The following ADGRL3 variants were observed in gnomAD, a reference collection of about 807,000 sequenced individuals.
ADGRL3 encodes calcium-independent alpha-latrotoxin receptor 3.
A neutral mutation model predicts 153.5 loss-of-function variants in ADGRL3; 62 were observed. The ratio of observed to expected loss-of-function variants is 0.40; its 90% CI spans 0.33 to 0.50. The LOEUF (loss-of-function observed/expected upper bound fraction) is 0.50, where lower values mean the gene tolerates loss of function less well. Among genes scored for constraint, ADGRL3 ranks in the 20% least tolerant of loss-of-function variants. ADGRL3 has a pLI of 0.47. For synonymous variants in ADGRL3, 710 were observed against 672.5 expected (o/e 1.06, Z -0.86); for missense variants, 1,641 against 1,859.4 (o/e 0.88, Z 2.16).
At chr4:62,053,304 T>G (rs1055349381) in intron 25 of ADGRL3, among the ~76,000 whole-genome samples, 3 of 151,468 alleles carry the variant, frequency 2.0e-5, no homozygotes, top group African/African-American at 7.2e-5. Flanking sequence ...AATAATTGGG[T>G]AGTATTTGAT....
In ADGRL3 at chr4:61,840,224, C is replaced by T. The variant is rs551228147; in HGVS notation, c.1480+26335C>T. On this transcript the variant is annotated intron_variant, in intron 9 of 26. Transcript: ENST00000683033. ...CCTCCCATGTAGCTGGGATTACAGG[C>T]GCCTGCCACCATGTCCGGCTAATTT... 8.1e-4 allele frequency among the ~76,000 whole-genome samples: 123 copies of T among 152,196 alleles called. 1 individual carries two copies. Among genetic ancestry groups the T allele is most frequent in the Admixed American group, 1.1e-3 (17 of 15,280 alleles).
At chr4:61,391,780 A>G (rs1012396793) in intron 2 of ADGRL3, among the ~76,000 whole-genome samples, 5 of 151,752 alleles carry the variant, frequency 3.3e-5, no homozygotes, top group Middle Eastern at 3.4e-3. Context: ...TTTTAACACT[A>G]GGATGACTAT....
chr4:61,640,038 A>C (rs2093596270), intron 5 of ADGRL3, among the ~76,000 whole-genome samples: 1 of 152,048 alleles, frequency 6.6e-6, no homozygotes, highest in South Asian at 2.1e-4. Flanking sequence ...TTAAGAGTAT[A>C]ATATTCTTAC....
intron 4 of ADGRL3, 61 bp downstream of exon 4, chr4:61,517,579 C>A (rs1429733922): frequency 2.9e-6 from 2 of 690,390 alleles, no homozygotes; most frequent in Non-Finnish European, 5.3e-6. Flanking sequence ...CTGAGAGGCT[C>A]AGCCCCAGGA....
At chr4:61,861,981 A>G (rs1001559983) in intron 9 of ADGRL3, among the ~76,000 whole-genome samples, 2 of 152,188 alleles carry the variant, frequency 1.3e-5, no homozygotes, top group Admixed American at 1.3e-4. Context: ...CAAATGTTCC[A>G]AGAAATAGTA....
At chr4:61,770,592 A>G (rs759843230) in intron 8 of ADGRL3, among the ~76,000 whole-genome samples, 1 of 152,068 alleles carries the variant, frequency 6.6e-6, no homozygotes, top group Non-Finnish European at 1.5e-5. Context: ...TATGAACAGG[A>G]GAGATTTGGG....
intron 5 of ADGRL3, among the ~76,000 whole-genome samples, chr4:61,673,292 G>GT (rs1159569124): frequency 6.6e-6 from 1 of 151,776 alleles, no homozygotes; most frequent in African/African-American, 2.4e-5. Flanking sequence ...TAACAATACT[G>GT]TATTATATAC....
intron 2 of ADGRL3, among the ~76,000 whole-genome samples, chr4:61,475,188 T>A (rs944010277): frequency 6.6e-5 from 10 of 152,198 alleles, no homozygotes; most frequent in Non-Finnish European, 2.9e-5. Flanking sequence ...TAGTAGCCTT[T>A]ATTGCATATC....
chr4:61,299,024 T>A (rs1394798392), intron 1 of ADGRL3, among the ~76,000 whole-genome samples: 2 of 152,162 alleles, frequency 1.3e-5, no homozygotes, highest in African/African-American at 4.8e-5. Flanking sequence ...AATGAGATAA[T>A]AAGTACAGTA....
intron 1 of ADGRL3, among the ~76,000 whole-genome samples, chr4:61,257,857 G>GTGTGTC (rs2092133943): frequency 6.6e-6 from 1 of 152,016 alleles, no homozygotes; most frequent in Admixed American, 6.6e-5. Context: ...GTGTGTGTGT[G>GTGTGTC]TGTGTCTGTG....
intron 6 of ADGRL3, among the ~76,000 whole-genome samples, chr4:61,701,610 T>G (rs1288295477): frequency 6.6e-6 from 1 of 151,094 alleles, no homozygotes; most frequent in African/African-American, 2.4e-5. Flanking sequence ...TTTTTTGTAT[T>G]TTTTTTAGTA....
At chr4:61,971,050 T>C (rs2099025284) in intron 17 of ADGRL3, among the ~76,000 whole-genome samples, 1 of 152,154 alleles carries the variant, frequency 6.6e-6, no homozygotes, top group Admixed American at 6.6e-5. Flanking sequence ...TAAACACTCA[T>C]ACATTTTCAG....
chr4:61,642,921 C>T (rs1274828978), intron 5 of ADGRL3, among the ~76,000 whole-genome samples: 1 of 152,158 alleles, frequency 6.6e-6, no homozygotes, highest in Non-Finnish European at 1.5e-5. Context: ...TACCCATGAG[C>T]ATGGAATCTT....
intron 2 of ADGRL3, among the ~76,000 whole-genome samples, chr4:61,490,111 T>C (rs150326938): frequency 6.6e-6 from 1 of 152,174 alleles, no homozygotes; most frequent in African/African-American, 2.4e-5. Flanking sequence ...TCTTTACCTT[T>C]ACCATAGCAA....
chr4:61,250,348 G>A (rs1163859497), intron 1 of ADGRL3, among the ~76,000 whole-genome samples: 1 of 152,134 alleles, frequency 6.6e-6, no homozygotes, highest in Non-Finnish European at 1.5e-5. Flanking sequence ...GGAGGAGTTG[G>A]ATTGGCTGAT....
Position 61,979,586 on chromosome 4 carries a change from CCTT to C in ADGRL3, c.2832_2834del (p.Leu945del). ...AGCACAGTGATGCGGTCCATGACCT[CCTT>C]CTGGATGTGATCACGTGGGTTGGAA... On this transcript the variant is annotated inframe_deletion, in exon 18 of 27. Coordinates refer to ENST00000683033, the MANE Select transcript of ADGRL3 (RefSeq NM_001387552.1). 1 of 1,613,876 alleles carries C rather than the reference CCTT, an allele frequency of 6.2e-7. No homozygotes were observed. Among genetic ancestry groups the C allele is most frequent in the Non-Finnish European group, 8.5e-7 (1 of 1,179,854 alleles).
intron 5 of ADGRL3, among the ~76,000 whole-genome samples, chr4:61,654,933 T>C (rs1396310873): frequency 1.3e-5 from 2 of 152,064 alleles, no homozygotes. Context: ...TAAACTTTAT[T>C]CTTTAACTCA....
intron 5 of ADGRL3, among the ~76,000 whole-genome samples, chr4:61,605,186 A>T (rs1242509623): frequency 2.0e-5 from 3 of 151,914 alleles, no homozygotes; most frequent in African/African-American, 7.2e-5. Context: ...TTTGTATTAT[A>T]AAAAGAAAGT....
chr4:61,891,011 A>C (rs1018955329), intron 9 of ADGRL3, among the ~76,000 whole-genome samples: 1 of 152,178 alleles, frequency 6.6e-6, no homozygotes, highest in African/African-American at 2.4e-5. Flanking sequence ...AATTGCACTT[A>C]ATATTTTGAA....
Sources: allele counts gnomAD v4.1 joint callset (sites outside exome capture counted in the v4.1 genomes callset), GRCh38; gene constraint gnomAD v4.1.1; transcripts MANE v1.5; gene names NCBI Gene and HGNC (gene_info 2026-07-23, HGNC 2026-07-21).